The following CMBL variants were observed in gnomAD, a reference collection of about 807,000 sequenced individuals.
The protein encoded by CMBL is carboxymethylenebutenolidase homolog.
In CMBL, 17 loss-of-function variants were observed where a neutral mutation model predicts 28.7. That is an observed-to-expected ratio of 0.59 (90% CI 0.41 to 0.89). The LOEUF is 0.89. Ranked by LOEUF, CMBL falls within the 40% of genes least tolerant of loss-of-function variation. The pLI is 0.00. For missense variants in CMBL, 310 were observed against 298.5 expected, an observed-to-expected ratio of 1.04 and a Z score of -0.28; for synonymous variants, 106 against 101.6, an observed-to-expected ratio of 1.04 and a Z score of -0.26.
chr5:10,289,577 G>T lies in CMBL; in HGVS notation c.215+971C>A, dbSNP rs1746666382. Among the ~76,000 whole-genome samples, 1 of 152,198 alleles carries T rather than the reference G, an allele frequency of 6.6e-6. No individual in the cohort carries two copies. Among genetic ancestry groups the T allele is most frequent in the South Asian group, 2.1e-4 (1 of 4,830 alleles). ...GCAATAACAGCTCCTCCCTCAAGGGGCTGCCAGGAGGACTAAGGGCAATGA... is the reference window on the plus strand; with the variant it reads ...GCAATAACAGCTCCTCCCTCAAGGGTCTGCCAGGAGGACTAAGGGCAATGA... On this transcript the variant is annotated intron_variant, in intron 2 of 5. Transcript: ENST00000296658. This position sits in a 1 kb window ranked among gnomAD's most constrained non-coding sequence, Gnocchi z 4.3.
At chr5:10,300,140 C>A (rs1579477505) in intron 1 of CMBL, among the ~76,000 whole-genome samples, 1 of 152,286 alleles carries the variant, frequency 6.6e-6, no homozygotes, top group Non-Finnish European at 1.5e-5. Flanking sequence ...GACCATAAAT[C>A]CAATGACTGG....
chr5:10,281,960 G>A (rs896104795), intron 5 of CMBL, among the ~76,000 whole-genome samples: 2 of 152,102 alleles, frequency 1.3e-5, no homozygotes, highest in Non-Finnish European at 1.5e-5. Flanking sequence ...AGGAGTTCAA[G>A]ACCAGCCTGG....
chr5:10,303,868 T>C (rs1289623441), intron 1 of CMBL, among the ~76,000 whole-genome samples: 1 of 152,156 alleles, frequency 6.6e-6, no homozygotes, highest in Non-Finnish European at 1.5e-5. Flanking sequence ...TTTTGCCTGA[T>C]AACAAAACAC....
chr5:10,304,848 T>G (rs1420217984), intron 1 of CMBL, among the ~76,000 whole-genome samples: 2 of 151,968 alleles, frequency 1.3e-5, no homozygotes. Context: ...AATTTACAGA[T>G]CTATCAGATC....
chr5:10,307,366 T>C (rs990550402), intron 1 of CMBL: 3 of 152,338 alleles, frequency 2.0e-5, no homozygotes, highest in Non-Finnish European at 4.4e-5. Flanking sequence ...GTCTTTAAAA[T>C]GCATGGCGAA....
chr5:10,291,179 C>T (rs976722301), intron 1 of CMBL, among the ~76,000 whole-genome samples: 2 of 151,952 alleles, frequency 1.3e-5, no homozygotes, highest in Non-Finnish European at 2.9e-5. Context: ...TTTGTGTCGA[C>T]GTGTAGAAAG....
intron 1 of CMBL, among the ~76,000 whole-genome samples, chr5:10,304,438 T>C (rs1348824924): frequency 6.6e-6 from 1 of 152,206 alleles, no homozygotes; most frequent in Non-Finnish European, 1.5e-5. Flanking sequence ...ATCTGTGTGT[T>C]TGGCCACACT....
rs1746499817 is a variant in CMBL at position 10,281,733 on chromosome 5, T to G, written c.558+464A>C. On this transcript the variant is annotated intron_variant, in intron 5 of 5. Transcript: ENST00000296658. Reference sequence around the variant, plus strand: ...TAAGCATGTTTTGGGAAGGTTATACTTCCACACTGGAATTATATAAGTGGA... The same window carrying G: ...TAAGCATGTTTTGGGAAGGTTATACGTCCACACTGGAATTATATAAGTGGA... 2.0e-5 allele frequency among the ~76,000 whole-genome samples: 3 copies of G among 152,210 alleles called. No individual in the cohort carries two copies. In the South Asian group the frequency reaches 6.2e-4, roughly 31 times the overall value.
intron 4 of CMBL, among the ~76,000 whole-genome samples, 182 bp from the exon 5 acceptor site, chr5:10,282,470 T>C (rs919406191): frequency 6.6e-5 from 10 of 152,124 alleles, no homozygotes; most frequent in African/African-American, 1.9e-4. Flanking sequence ...TCCACAGAAG[T>C]GGCCCCACTT....
Position 10,296,665 on chromosome 5 carries a change from G to A in CMBL, c.-19-5884C>T, listed in dbSNP as rs548082962. ...ACTAACACTTCAGGGAGATGGGAAG[G>A]AATCAGCGAGTGAGGAATGAGCCTG... On this transcript the variant is annotated intron_variant, in intron 1 of 5. Coordinates refer to ENST00000296658, the MANE Select transcript of CMBL (RefSeq NM_138809.4). Among the ~76,000 whole-genome samples, 200 of 152,316 alleles carry A rather than the reference G, an allele frequency of 1.3e-3. 1 individual carries two copies. The highest frequency in any genetic ancestry group is 1.6e-3 in the Non-Finnish European group (108 of 68,034).
In CMBL at chr5:10,295,365, G is replaced by A. The variant is rs187483304; in HGVS notation, c.-19-4584C>T. 2.1e-4 allele frequency among the ~76,000 whole-genome samples: 32 copies of A among 152,296 alleles called. No individual in the cohort carries two copies. In the East Asian group the frequency reaches 3.7e-3, roughly 17 times the overall value. ...CTCCCAAAGTGCTGGGATTACAGAT[G>A]TGAGCCACTGTGCCTGGCCATACCT... is the stretch of plus-strand genomic sequence containing the variant. On this transcript the variant is annotated intron_variant, in intron 1 of 5. Transcript: ENST00000296658.
At position 10,278,247 on chromosome 5, in the gene CMBL, A is replaced by G. The variant is rs1229932201; in HGVS notation, c.*2206T>C. Among the ~76,000 whole-genome samples the G allele has an allele frequency of 6.6e-6, 1 of 152,178 alleles. No homozygotes were observed. The highest frequency in any genetic ancestry group is 1.5e-5 in the Non-Finnish European group (1 of 68,036). ...TGTAAGTTGGACTTTCTCATACTAGAAGCAGGGATTAGTAACACAGTTTCC... is the reference window on the plus strand; with the variant it reads ...TGTAAGTTGGACTTTCTCATACTAGGAGCAGGGATTAGTAACACAGTTTCC... On this transcript the variant is annotated 3_prime_UTR_variant, in exon 6 of 6. Coordinates refer to ENST00000296658, the MANE Select transcript of CMBL (RefSeq NM_138809.4).
chr5:10,290,463 G>C (rs1173352851), intron 2 of CMBL, 85 bp downstream of exon 2: 19 of 1,114,674 alleles, frequency 1.7e-5, no homozygotes. Flanking sequence ...TAGTCAGACC[G>C]CTGTGGTTTT....
At chr5:10,295,499 T>C (rs1241058979) in intron 1 of CMBL, among the ~76,000 whole-genome samples, 1 of 152,200 alleles carries the variant, frequency 6.6e-6, no homozygotes, top group Non-Finnish European at 1.5e-5. Context: ...AGACTGAATG[T>C]GTCCCCAAAA....
Position 10,282,308 on chromosome 5 carries a change from G to A in CMBL, c.467-20C>T. On this transcript the variant is annotated intron_variant, in intron 4 of 5. Transcript: ENST00000296658. ...CAATGCCTGAAAAACAAGCACAGAG[G>A]CATGATGTCTGATCCCCACACTCAT... 7.0e-7 allele frequency: 1 copy of A among 1,423,318 alleles called. No homozygotes were observed. The highest frequency in any genetic ancestry group is 1.0e-6 in the Non-Finnish European group (1 of 1,004,352). The allele number at this position is 1,423,318 out of a possible 1,614,324, so 88.2% of individuals were successfully genotyped here. A position where few individuals can be genotyped will look rare whatever the true frequency, so the allele number is the denominator to read the frequency against.
chr5:10,300,233 T>C (rs11749222), intron 1 of CMBL, among the ~76,000 whole-genome samples: 100,689 of 151,030 alleles, frequency 0.67, 34,472 homozygotes, highest in Non-Finnish European at 0.71. Context: ...GAGGTGGAGA[T>C]GGGAAGGATG....
In CMBL at chr5:10,280,498, G is replaced by A. The variant is rs187492563; in HGVS notation, c.693C>T (p.Asp231=). ...ACTCAATTAAATTCCTTCTGGCCTC[G>A]TCAATGTAGGGCTTGTCTGCAGGTG... The part of the protein sequence containing the change: ...DCSPADKPYI[D]EARRNLIEWL... Residue 231 remains aspartate (D), a synonymous_variant, in exon 6 of 6, where the codon GAC becomes GAT. Coordinates refer to ENST00000296658, the MANE Select transcript of CMBL (RefSeq NM_138809.4). 2.1e-5 allele frequency: 34 copies of A among 1,611,090 alleles called. No individual in the cohort carries two copies. The highest frequency in any genetic ancestry group is 2.7e-5 in the African/African-American group (2 of 74,878).
At chr5:10,284,404 C>A (rs1479351056) in intron 4 of CMBL, among the ~76,000 whole-genome samples, 1 of 152,182 alleles carries the variant, frequency 6.6e-6, no homozygotes, top group Non-Finnish European at 1.5e-5. Context: ...AAGAAGGAAT[C>A]ATTAGTATAA....
rs1746452396 is a variant in CMBL, at chr5:10,279,252, T to C, written c.*1201A>G. The C allele has an allele frequency of 6.6e-6, 1 of 152,212 alleles. No individual in the cohort carries two copies. The highest frequency in any genetic ancestry group is 6.5e-5 in the Admixed American group (1 of 15,284). The allele number at this position is 152,212 out of a possible 1,614,324, so 9.4% of individuals were successfully genotyped here. On this transcript the variant is annotated 3_prime_UTR_variant, in exon 6 of 6. Coordinates refer to ENST00000296658, the MANE Select transcript of CMBL (RefSeq NM_138809.4). ...ACAACTCTAGCCCACCGTTCTCTGCTATCTTTTTAAAAAAGCTGCAAATTC... is the reference window on the plus strand; with the variant it reads ...ACAACTCTAGCCCACCGTTCTCTGCCATCTTTTTAAAAAAGCTGCAAATTC...
Sources: gnomAD v4.1 joint callset for allele counts (sites outside exome capture counted in the v4.1 genomes callset) on GRCh38, gnomAD v4.1.1 for gene constraint, Gnocchi (gnomAD v3.1) non-coding constraint, MANE v1.5 for transcripts, NCBI Gene and HGNC (gene_info 2026-07-23, HGNC 2026-07-21) for gene names.